The following RYR2 variants were observed in gnomAD, a reference collection of about 807,000 sequenced individuals.
The protein encoded by RYR2 is ryanodine receptor 2, also known as cardiac muscle ryanodine receptor-calcium release channel.
A neutral mutation model predicts 601.1 loss-of-function variants in RYR2; 227 were observed. The ratio of observed to expected loss-of-function variants is 0.38; its 90% confidence interval spans 0.34 to 0.42. The LOEUF (loss-of-function observed/expected upper bound fraction) is 0.42. Among genes scored for constraint, RYR2 ranks in the 10% least tolerant of loss-of-function variants. RYR2 has a pLI of 1.00. For missense variants in RYR2, 4,646 were observed against 6,156.5 expected (o/e 0.75, Z 8.21); for synonymous variants, 2,223 against 2,175.1 (o/e 1.02, Z -0.61).
chr1:237,188,474 A>G (rs1326951096), intron 1 of RYR2, among the ~76,000 whole-genome samples: 1 of 152,196 alleles, frequency 6.6e-6, no homozygotes, highest in Non-Finnish European at 1.5e-5. Context: ...TTCTGATCTA[A>G]CAATTTGGAT....
chr1:237,723,910 T>G (rs1689965904), intron 74 of RYR2, among the ~76,000 whole-genome samples: 1 of 152,014 alleles, frequency 6.6e-6, no homozygotes, highest in Non-Finnish European at 1.5e-5. Flanking sequence ...CTTGAAACAT[T>G]ATCAATGGGA....
chr1:237,130,272 A>G (rs1470207646), intron 1 of RYR2, among the ~76,000 whole-genome samples: 2 of 152,202 alleles, frequency 1.3e-5, no homozygotes, highest in Non-Finnish European at 2.9e-5. Flanking sequence ...AAAAGAGAGT[A>G]TGGAGGAAAA....
At chr1:237,162,100 G>A (rs997395049) in intron 1 of RYR2, among the ~76,000 whole-genome samples, 2 of 152,160 alleles carry the variant, frequency 1.3e-5, no homozygotes, top group African/African-American at 4.8e-5. Flanking sequence ...GACAACCAGG[G>A]CATCATCAGA....
At chr1:237,413,403 A>C (rs1420365179) in intron 10 of RYR2, among the ~76,000 whole-genome samples, 2 of 152,200 alleles carry the variant, frequency 1.3e-5, no homozygotes, top group African/African-American at 4.8e-5. Context: ...TTAGATTTTT[A>C]TAAAAGATCA....
chr1:237,570,784 G>A (rs1024831868), intron 29 of RYR2, among the ~76,000 whole-genome samples: 2 of 152,172 alleles, frequency 1.3e-5, no homozygotes, highest in African/African-American at 4.8e-5. Context: ...CTATTGGATA[G>A]TGTTACTCTA....
rs756648811 is a variant in RYR2, at chr1:237,614,462, C to T, written c.5334C>T (p.Tyr1778=). The T allele has an allele frequency of 6.2e-7, 1 of 1,614,036 alleles. No individual in the cohort carries two copies. The highest frequency in any genetic ancestry group is 8.5e-7 in the Non-Finnish European group (1 of 1,179,894). Residue 1778 remains tyrosine (Y), a synonymous_variant, in exon 37 of 105, where the codon TAC becomes TAT. Transcript: ENST00000366574. This position sits in a 1 kb window ranked among gnomAD's most constrained non-coding sequence, Gnocchi z 4.3. ...GCATTAGTAATGAATGTTACCAGTA[C>T]AGTCCAGAGTTCCCACTGGACATCC... ...FVSISNECYQ[Y]SPEFPLDILK... is the part of the protein sequence containing the mutation.
chr1:237,182,303 G>A (rs1016970241), intron 1 of RYR2, among the ~76,000 whole-genome samples: 1 of 151,868 alleles, frequency 6.6e-6, no homozygotes, highest in Non-Finnish European at 1.5e-5. Context: ...TGTATTTTTA[G>A]TAGAGACGGG....
intron 2 of RYR2, among the ~76,000 whole-genome samples, chr1:237,283,263 C>T (rs1324405168): frequency 6.6e-6 from 1 of 152,094 alleles, no homozygotes; most frequent in Non-Finnish European, 1.5e-5. Context: ...TGCCTGTCTA[C>T]CTGGTTGCTT....
At chr1:237,572,467 T>A (rs1347243683) in intron 29 of RYR2, among the ~76,000 whole-genome samples, 1 of 152,212 alleles carries the variant, frequency 6.6e-6, no homozygotes, top group Non-Finnish European at 1.5e-5. Flanking sequence ...CAATCACCAT[T>A]GCAATAATGA....
chr1:237,144,135 GAAA>G (rs1006896809), intron 1 of RYR2, among the ~76,000 whole-genome samples: 2 of 138,174 alleles, frequency 1.4e-5, no homozygotes, highest in African/African-American at 5.3e-5. Context: ...TCTCAAAAAA[GAAA>G]AAAAAAAAAT....
At chr1:237,822,549 C>G (rs1662629485) in intron 101 of RYR2, among the ~76,000 whole-genome samples, 1 of 152,162 alleles carries the variant, frequency 6.6e-6, no homozygotes, top group Non-Finnish European at 1.5e-5. Context: ...TGAAAAGGAA[C>G]AACCGGTACC....
intron 67 of RYR2, among the ~76,000 whole-genome samples, chr1:237,705,635 C>T (rs898083240): frequency 4.6e-5 from 7 of 152,140 alleles, no homozygotes; most frequent in African/African-American, 1.4e-4. Context: ...GAGGTAGAGT[C>T]ATCTTGTGTG....
Position 237,610,795 on chromosome 1 carries a change from A to G in RYR2, c.4717A>G (p.Ser1573Gly). The change falls in exon 36 of 105, where the codon AGT (serine) becomes GGT (glycine). Residue 1573 changes from serine (S) to glycine (G), a missense_variant. Ser to Gly is a moderately conservative substitution (Grantham distance 56, BLOSUM62 0). This residue lies in a region of RYR2 where 1,807 missense variants were observed against 2,088.1 expected (regional missense o/e 0.87). Transcript: ENST00000366574. The surrounding 1 kb of genome is among the most constrained non-coding windows in gnomAD (Gnocchi z 4.9). ...GCCTCTCTCGGCGGGATTATTCAAGAGTGAGCACAAGAACCCCGTGCCGCA... is the reference window on the plus strand; with the variant it reads ...GCCTCTCTCGGCGGGATTATTCAAGGGTGAGCACAAGAACCCCGTGCCGCA... ...VMPLSAGLFK[S>G]EHKNPVPQCP... The G allele has an allele frequency of 1.9e-6, 3 of 1,609,406 alleles. No homozygotes were observed. Among genetic ancestry groups the G allele is most frequent in the Non-Finnish European group, 2.5e-6 (3 of 1,178,250 alleles).
intron 21 of RYR2, 103 bp downstream of exon 21, chr1:237,501,006 C>G: frequency 8.9e-7 from 1 of 1,127,176 alleles, no homozygotes; most frequent in South Asian, 1.3e-5. Flanking sequence ...CATTGTTTGT[C>G]TCTCCTGGGC....
chr1:237,709,346 A>T (rs779025546), intron 69 of RYR2, 134 bp from the exon 70 acceptor site: 963 of 678,380 alleles, frequency 1.4e-3, no homozygotes, highest in Non-Finnish European at 2.0e-3. Context: ...ATTTTTTTTT[A>T]AATATTACAA....
At chr1:237,255,785 T>C (rs186188556) in intron 1 of RYR2, among the ~76,000 whole-genome samples, 1 of 152,244 alleles carries the variant, frequency 6.6e-6, no homozygotes, top group African/African-American at 2.4e-5. Context: ...CAGGATTGTA[T>C]CTGCATCCAC....
chr1:237,638,936 A>C, intron 45 of RYR2, 79 bp from the exon 46 acceptor site: 1 of 1,476,050 alleles, frequency 6.8e-7, no homozygotes, highest in Non-Finnish European at 9.3e-7. Flanking sequence ...ATACATAGGA[A>C]ATGATTAGTA....
At chr1:237,244,729 C>T (rs896023532) in intron 1 of RYR2, among the ~76,000 whole-genome samples, 1 of 152,144 alleles carries the variant, frequency 6.6e-6, no homozygotes, top group African/African-American at 2.4e-5. Context: ...TATTAAACCT[C>T]CTCTCCTAAA....
intron 1 of RYR2, among the ~76,000 whole-genome samples, chr1:237,259,307 A>G (rs1305060583): frequency 2.0e-5 from 3 of 152,100 alleles, no homozygotes; most frequent in Non-Finnish European, 4.4e-5. Context: ...CAGGAGTTCA[A>G]CACCAGTCTG....
Sources: allele counts gnomAD v4.1 joint callset (sites outside exome capture counted in the v4.1 genomes callset), GRCh38; gene constraint gnomAD v4.1.1; regional missense constraint gnomAD v4.1.1; non-coding constraint Gnocchi (gnomAD v3.1); transcripts MANE v1.5; gene names NCBI Gene and HGNC (gene_info 2026-07-23, HGNC 2026-07-21).